PSG5: variants seen among roughly 807,000 people sequenced by gnomAD.
PSG5 encodes pregnancy specific beta-1-glycoprotein 5.
Under a neutral mutation model 37.7 loss-of-function variants are expected in PSG5, and 53 were observed. That is an observed-to-expected ratio of 1.41 (90% CI 1.13 to 1.77). The LOEUF is 1.77. Ranked by LOEUF, PSG5 falls within the 40% of genes most tolerant of loss-of-function variation. The pLI, the probability that PSG5 is intolerant of heterozygous loss-of-function variation, is 0.00. For synonymous variants in PSG5, 221 were observed against 155.4 expected (o/e 1.42, Z -3.14); for missense variants, 547 against 405.2 (o/e 1.35, Z -3.00).
intron 5 of PSG5, among the ~76,000 whole-genome samples, chr19:43,169,056 G>A (rs981705541): frequency 1.2e-4 from 18 of 151,464 alleles, no homozygotes; most frequent in African/African-American, 4.1e-4. Context: ...GGAACTAATG[G>A]GTGGGGCTTG....
intron 2 of PSG5, among the ~76,000 whole-genome samples, chr19:43,181,404 T>C (rs1422218724): frequency 2.0e-5 from 3 of 151,730 alleles, no homozygotes; most frequent in Non-Finnish European, 4.4e-5. Flanking sequence ...CAGAGATTCT[T>C]TCCCCAGCTG....
chr19:43,184,732 A>G, intron 2 of PSG5, 50 bp downstream of exon 2: 2 of 1,603,988 alleles, frequency 1.2e-6, no homozygotes, highest in Admixed American at 1.7e-5. Context: ...TGTGTGAAGT[A>G]GAAATGACCC....
In PSG5 at chr19:43,168,375, A is replaced by AT. The variant is rs1033142779; in HGVS notation, c.*41-173dup. Among the ~76,000 whole-genome samples, 95 of 150,144 alleles carry AT rather than the reference A, an allele frequency of 6.3e-4. 1 individual carries two copies. The East Asian group carries it at 0.011, about 18-fold the overall frequency. On this transcript the variant is annotated intron_variant, in intron 5 of 5. Coordinates refer to ENST00000342951, the MANE Select transcript of PSG5 (RefSeq NM_002781.4). ...ATTTTTAGAATACTCATTTAAAAAA[A>AT]TTTTTTTTTTTGAAATGGAGTCTCA...
rs1037365684 is a variant in PSG5 at position 43,176,421 on chromosome 19, GCCCCTGGTACC to G, written c.431-284_431-274del. ...AACAGACACATCAGTGGGAGTCACA[GCCCCTGGTACC>G]CCTCCCAGTCCCTCCATAATCAGTT... On this transcript the variant is annotated intron_variant, in intron 2 of 5. Transcript: ENST00000342951. Among the ~76,000 whole-genome samples, 14 of 151,670 alleles carry G rather than the reference GCCCCTGGTACC, an allele frequency of 9.2e-5. 1 individual carries two copies. The East Asian group carries it at 9.7e-4, about 10-fold the overall frequency.
chr19:43,179,181 T>C, intron 2 of PSG5: 1 of 1,574,842 alleles, frequency 6.3e-7, no homozygotes, highest in Non-Finnish European at 8.7e-7. Context: ...AGAGAGAAGA[T>C]TGCCCTGTGT....
chr19:43,173,013 C>T (rs1159585677), intron 4 of PSG5, among the ~76,000 whole-genome samples: 1 of 151,696 alleles, frequency 6.6e-6, no homozygotes, highest in Non-Finnish European at 1.5e-5. Context: ...CAGTGTGGTA[C>T]TGGCATAAAG....
intron 1 of PSG5, among the ~76,000 whole-genome samples, chr19:43,185,389 A>C (rs1966912077): frequency 6.8e-6 from 1 of 147,998 alleles, no homozygotes; most frequent in African/African-American, 2.5e-5. Context: ...TGACCTTGGC[A>C]TTTTTGTATG....
At chr19:43,184,645 C>T (rs768633631) in intron 2 of PSG5, 137 bp downstream of exon 2, 11 of 1,506,500 alleles carry the variant, frequency 7.3e-6, no homozygotes, top group African/African-American at 5.6e-5. Flanking sequence ...GTGTGTCCTG[C>T]ACTAAATGCC....
chr19:43,185,524 C>T (rs1339096614), intron 1 of PSG5, among the ~76,000 whole-genome samples: 1 of 150,474 alleles, frequency 6.6e-6, no homozygotes, highest in Non-Finnish European at 1.5e-5. Context: ...TGGGTCTTCC[C>T]TTTCTGACCT....
chr19:43,176,232 C>T, intron 2 of PSG5, 84 bp from the exon 3 acceptor site: 5 of 1,568,266 alleles, frequency 3.2e-6, no homozygotes, highest in Non-Finnish European at 2.6e-6. Flanking sequence ...TTGGCATCTC[C>T]CACCTGTCAA....
At chr19:43,171,508 A>C (rs2122202637) in intron 4 of PSG5, 1 of 264,574 alleles carries the variant, frequency 3.8e-6, no homozygotes, top group African/African-American at 2.2e-5. Context: ...TGAATGAGGG[A>C]AATAATAAGG....
In PSG5 at chr19:43,175,425, G is replaced by T. The variant is rs145710722; in HGVS notation, c.754C>A (p.Arg252Ser). 30 of 1,612,574 alleles carry T rather than the reference G, an allele frequency of 1.9e-5. 2 individuals are homozygous for T. The highest frequency in any genetic ancestry group is 2.5e-5 in the Non-Finnish European group (29 of 1,179,120). Reference sequence around the variant, plus strand: ...GACAAGTAGAGGTTTTCTCCTGAACGGTAATAGGTGAATGAAGGGTAAATG... The same window carrying T: ...GACAAGTAGAGGTTTTCTCCTGAACTGTAATAGGTGAATGAAGGGTAAATG... ...PSIYPSFTYY[R>S]SGENLYLSCF... Residue 252 changes from arginine to serine, a missense_variant, in exon 4 of 6, where the codon CGT becomes AGT. Physicochemically the swap from Arg to Ser is moderately radical, Grantham distance 110. Transcript: ENST00000342951.
intron 2 of PSG5, chr19:43,180,443 G>A (rs1274221583): frequency 6.6e-6 from 1 of 151,670 alleles, no homozygotes; most frequent in African/African-American, 2.4e-5. Flanking sequence ...GCGCCAGTGA[G>A]CACTTCTTTT....
intron 2 of PSG5, among the ~76,000 whole-genome samples, chr19:43,178,669 G>A (rs1969062187): frequency 6.6e-6 from 1 of 151,642 alleles, no homozygotes; most frequent in Non-Finnish European, 1.5e-5. Context: ...TGGAACCTGA[G>A]TCTCCCATGA....
intron 2 of PSG5, among the ~76,000 whole-genome samples, chr19:43,177,983 C>A (rs764355182): frequency 2.3e-4 from 35 of 151,556 alleles, no homozygotes; most frequent in Non-Finnish European, 4.4e-4. Flanking sequence ...CTGATGTTAA[C>A]GTGAATTGAA....
rs61450490 is a variant in PSG5, at chr19:43,175,486, G to A, written c.710-17C>T. The A allele has an allele frequency of 7.5e-4, 1,191 of 1,593,246 alleles. 38 individuals carry two copies. The African/African-American group carries it at 0.014, about 19-fold the overall frequency. On this transcript the variant is annotated splice_polypyrimidine_tract_variant and intron_variant, in intron 3 of 5. Transcript: ENST00000342951. Reference sequence around the variant, plus strand: ...CTGGACCATCTGGAGCAAAGAGAATGAAGCCACAGGTGATGTCATCCAAGG... The same window carrying A: ...CTGGACCATCTGGAGCAAAGAGAATAAAGCCACAGGTGATGTCATCCAAGG...
At position 43,176,007 on chromosome 19, in the gene PSG5, G is replaced by C; in HGVS notation, c.572C>G (p.Pro191Arg). The stretch of plus-strand genomic sequence containing the variant: ...GTTTTCAATGGGTCGCTTTACCCTG[G>C]GACTGACCGGGAGGCTCTGACCATT... ...WLNGQSLPVS[P>R]RVKRPIENRI... is the part of the protein sequence containing the mutation. Residue 191 changes from proline (P) to arginine (R), a missense_variant, in exon 3 of 6, where the codon CCC becomes CGC. Physicochemically the swap from Pro to Arg is moderately radical, Grantham distance 103. Coordinates refer to ENST00000342951, the MANE Select transcript of PSG5 (RefSeq NM_002781.4). 3.1e-6 allele frequency: 5 copies of C among 1,611,198 alleles called. No homozygotes were observed. Among genetic ancestry groups the C allele is most frequent in the Non-Finnish European group, 4.2e-6 (5 of 1,179,158 alleles).
intron 3 of PSG5, 188 bp from the exon 4 acceptor site, chr19:43,175,657 A>G: frequency 2.2e-6 from 3 of 1,387,008 alleles, no homozygotes; most frequent in Non-Finnish European, 2.9e-6. Flanking sequence ...CTATTGACAC[A>G]AAGTCTCCCA....
In PSG5 at chr19:43,175,453, G is replaced by A. The variant is rs1968988139; in HGVS notation, c.726C>T (p.Pro242=). The A allele has an allele frequency of 6.2e-7, 1 of 1,610,186 alleles. No homozygotes were observed. The highest frequency in any genetic ancestry group is 2.2e-5 in the East Asian group (1 of 44,872). ...AATAGGTGAATGAAGGGTAAATGCTGGGGAGGTCTGGACCATCTGGAGCAA... is the reference window on the plus strand; with the variant it reads ...AATAGGTGAATGAAGGGTAAATGCTAGGGAGGTCTGGACCATCTGGAGCAA... ...TLNVLYGPDL[P]SIYPSFTYYR... is the part of the protein sequence containing the mutation. The change falls in exon 4 of 6, where the codon CCC becomes CCT. Residue 242 remains proline, a synonymous_variant. Coordinates refer to ENST00000342951, the MANE Select transcript of PSG5 (RefSeq NM_002781.4).
Sources: allele counts gnomAD v4.1 joint callset (sites outside exome capture counted in the v4.1 genomes callset), GRCh38; gene constraint gnomAD v4.1.1; transcripts MANE v1.5; gene names NCBI Gene and HGNC (gene_info 2026-07-23, HGNC 2026-07-21).